The following GRID1 variants were observed in gnomAD, a reference collection of about 807,000 sequenced individuals.
GRID1 encodes glutamate ionotropic receptor delta type subunit 1.
GRID1 carries 28 observed loss-of-function variants against 98.0 expected under a neutral mutation model. That is an observed-to-expected ratio of 0.29 (90% confidence interval 0.21 to 0.39). The LOEUF (loss-of-function observed/expected upper bound fraction) is 0.39, where lower values mean the gene tolerates loss of function less well. Ranked by LOEUF, GRID1 falls within the 10% of genes least tolerant of loss-of-function variation. The pLI is 1.00. For synonymous variants in GRID1, 553 were observed against 538.5 expected (o/e 1.03, Z -0.37); for missense variants, 1,111 against 1,340.5 (o/e 0.83, Z 2.67).
intron 5 of GRID1, among the ~76,000 whole-genome samples, chr10:85,876,335 G>T (rs1843331256): frequency 6.6e-6 from 1 of 151,902 alleles, no homozygotes; most frequent in Non-Finnish European, 1.5e-5. Flanking sequence ...TCCCTGGCTT[G>T]TAGCTGCATC....
At chr10:86,298,464 A>G (rs574541127) in intron 2 of GRID1, among the ~76,000 whole-genome samples, 1 of 152,224 alleles carries the variant, frequency 6.6e-6, no homozygotes, top group South Asian at 2.1e-4. Flanking sequence ...GGTCAGCCTC[A>G]CCTGACGTTC....
At chr10:86,237,755 T>C (rs1008720033) in intron 2 of GRID1, among the ~76,000 whole-genome samples, 6 of 150,374 alleles carry the variant, frequency 4.0e-5, no homozygotes, top group Admixed American at 1.3e-4. Flanking sequence ...CTCCCTCTCC[T>C]GCCATGTAAG....
intron 13 of GRID1, among the ~76,000 whole-genome samples, chr10:85,626,768 T>C (rs1842919055): frequency 6.6e-6 from 1 of 152,160 alleles, no homozygotes; most frequent in Non-Finnish European, 1.5e-5. Flanking sequence ...ATTATGTATG[T>C]ACCATGCCAA....
chr10:85,665,928 T>C (rs904571370), intron 12 of GRID1, among the ~76,000 whole-genome samples: 2 of 152,082 alleles, frequency 1.3e-5, no homozygotes, highest in African/African-American at 2.4e-5. Flanking sequence ...ATCAGCATAA[T>C]TCCACCAAGG....
At chr10:86,153,473 C>A (rs771699381) in intron 3 of GRID1, among the ~76,000 whole-genome samples, 26 of 152,338 alleles carry the variant, frequency 1.7e-4, no homozygotes, top group Non-Finnish European at 3.4e-4. Flanking sequence ...TATTTTGCTG[C>A]ATTTTACTAT....
At chr10:85,748,782 T>C (rs1432772799) in intron 8 of GRID1, among the ~76,000 whole-genome samples, 1 of 152,144 alleles carries the variant, frequency 6.6e-6, no homozygotes, top group African/African-American at 2.4e-5. Flanking sequence ...TCCACTTGAA[T>C]ACCTAATAGA....
At chr10:86,200,680 C>G (rs7912655) in intron 3 of GRID1, among the ~76,000 whole-genome samples, 3 of 152,176 alleles carry the variant, frequency 2.0e-5, no homozygotes, top group African/African-American at 7.2e-5. Flanking sequence ...TAAAGAATTT[C>G]TGTTCACTAA....
chr10:86,042,739 T>C (rs1843364459), intron 4 of GRID1, among the ~76,000 whole-genome samples: 1 of 152,072 alleles, frequency 6.6e-6, no homozygotes, highest in Non-Finnish European at 1.5e-5. Flanking sequence ...CTAAACATCA[T>C]AGAAAGCCCA....
chr10:86,212,404 G>C (rs11816489), intron 2 of GRID1, among the ~76,000 whole-genome samples: 7,642 of 152,334 alleles, frequency 0.05, 409 homozygotes, highest in African/African-American at 0.12. Context: ...TTTCCAAATG[G>C]ATGAGGCAAG....
intron 8 of GRID1, among the ~76,000 whole-genome samples, chr10:85,830,086 G>A (rs1032741702): frequency 1.3e-5 from 2 of 152,152 alleles, no homozygotes; most frequent in Admixed American, 1.3e-4. Context: ...AGCCAGAACA[G>A]CATGGTACTC....
chr10:85,715,183 A>G (rs1414447267), intron 12 of GRID1, among the ~76,000 whole-genome samples: 6 of 152,224 alleles, frequency 3.9e-5, no homozygotes, highest in Non-Finnish European at 7.3e-5. Flanking sequence ...GAATATCTGC[A>G]CACAAAAGAA....
chr10:86,033,915 G>A (rs1843220105), intron 4 of GRID1, among the ~76,000 whole-genome samples: 1 of 152,246 alleles, frequency 6.6e-6, no homozygotes, highest in African/African-American at 2.4e-5. Context: ...GTCACCCTGT[G>A]TCACCTCATC....
At chr10:85,788,863 A>T in intron 8 of GRID1, among the ~76,000 whole-genome samples, 1 of 152,306 alleles carries the variant, frequency 6.6e-6, no homozygotes, top group South Asian at 2.1e-4. Flanking sequence ...CCAAGTTAGG[A>T]CTTGGCTGAG....
At chr10:86,339,022 G>C (rs1259652807) in intron 2 of GRID1, among the ~76,000 whole-genome samples, 1 of 152,144 alleles carries the variant, frequency 6.6e-6, no homozygotes, top group Non-Finnish European at 1.5e-5. Context: ...CTGGGGTTCA[G>C]ATCCAGCTGG....
chr10:86,352,101 G>A (rs372497772), intron 2 of GRID1, among the ~76,000 whole-genome samples: 35 of 152,332 alleles, frequency 2.3e-4, no homozygotes, highest in African/African-American at 8.2e-4. Flanking sequence ...AGGAGTTAGA[G>A]ACCAGCCTGA....
At chr10:86,097,248 G>A (rs1383100378) in intron 4 of GRID1, among the ~76,000 whole-genome samples, 5 of 152,300 alleles carry the variant, frequency 3.3e-5, no homozygotes, top group South Asian at 2.1e-4. Flanking sequence ...AATCCCAGAC[G>A]ATAGATATAT....
intron 8 of GRID1, among the ~76,000 whole-genome samples, chr10:85,791,378 T>G (rs1842478313): frequency 6.6e-6 from 1 of 152,214 alleles, no homozygotes; most frequent in Non-Finnish European, 1.5e-5. Flanking sequence ...TTCCCTTCCA[T>G]TTTGAATCCT....
At chr10:85,602,788 A>G in intron 15 of GRID1, 87 bp from the exon 16 acceptor site, 2 of 949,090 alleles carry the variant, frequency 2.1e-6, no homozygotes, top group Non-Finnish European at 1.6e-6. Context: ...TGTAGTCACC[A>G]GGCCTGGTCA....
chr10:85,697,652 C>T (rs934942929), intron 12 of GRID1, among the ~76,000 whole-genome samples: 1 of 152,020 alleles, frequency 6.6e-6, no homozygotes, highest in African/African-American at 2.4e-5. Context: ...TTCATGAGTC[C>T]CATTAATATG....
Sources: allele counts gnomAD v4.1 joint callset (sites outside exome capture counted in the v4.1 genomes callset), GRCh38; gene constraint gnomAD v4.1.1; transcripts MANE v1.5; gene names NCBI Gene and HGNC (gene_info 2026-07-23, HGNC 2026-07-21).